Variants in MCC observed in about 807,000 individuals in gnomAD.
MCC encodes MCC regulator of Wnt signaling pathway.
MCC carries 90 observed loss-of-function variants against 116.2 expected under a neutral mutation model. That is an observed-to-expected ratio of 0.77 (90% CI 0.65 to 0.92). MCC has a LOEUF of 0.92. Ranked by LOEUF, MCC falls within the 40% of genes least tolerant of loss-of-function variation. The pLI is 0.00. For missense variants in MCC, 1,516 were observed against 1,312.2 expected (o/e 1.16, Z -2.40); for synonymous variants, 578 against 510.5 (o/e 1.13, Z -1.78).
chr5:113,356,601 G>A (rs11241202), intron 2 of MCC, among the ~76,000 whole-genome samples: 26,138 of 151,888 alleles, frequency 0.17, 2,955 homozygotes, highest in African/African-American at 0.31. Context: ...AAAACCTGCC[G>A]GACACTGAGA....
At chr5:113,347,499 TAAAAC>T (rs561498912) in intron 2 of MCC, among the ~76,000 whole-genome samples, 7 of 151,868 alleles carry the variant, frequency 4.6e-5, no homozygotes, top group Non-Finnish European at 8.8e-5. Flanking sequence ...TAAAGTATAA[TAAAAC>T]AAAACAAAAG....
chr5:113,266,811 AC>A (rs1359882637), intron 3 of MCC, among the ~76,000 whole-genome samples: 1 of 147,598 alleles, frequency 6.8e-6, no homozygotes, highest in Non-Finnish European at 1.5e-5. Context: ...ACAAAACAAA[AC>A]AAAAAAAAAA....
At chr5:113,405,706 C>G (rs1320425287) in intron 1 of MCC, among the ~76,000 whole-genome samples, 3 of 151,770 alleles carry the variant, frequency 2.0e-5, no homozygotes, top group Admixed American at 6.6e-5. Flanking sequence ...ACTTAGAAAG[C>G]TAAGGTGGGA....
chr5:113,267,002 A>C (rs1765447138), intron 3 of MCC, among the ~76,000 whole-genome samples: 1 of 152,182 alleles, frequency 6.6e-6, no homozygotes, highest in South Asian at 2.1e-4. Flanking sequence ...CAAATAATAA[A>C]TTGGGTCAGA....
chr5:113,106,940 C>T (rs904441467), intron 6 of MCC, among the ~76,000 whole-genome samples: 1 of 152,210 alleles, frequency 6.6e-6, no homozygotes, highest in African/African-American at 2.4e-5. Flanking sequence ...GTTTCACCTC[C>T]TCCCTTACCC....
At chr5:113,243,571 C>T (rs775799157) in intron 3 of MCC, among the ~76,000 whole-genome samples, 2 of 152,240 alleles carry the variant, frequency 1.3e-5, no homozygotes, top group Non-Finnish European at 2.9e-5. Flanking sequence ...CTCCACTGTT[C>T]CTTTCCTTCT....
chr5:113,131,302 C>T (rs1051571787), intron 5 of MCC, among the ~76,000 whole-genome samples: 1 of 151,906 alleles, frequency 6.6e-6, no homozygotes, highest in African/African-American at 2.4e-5. Context: ...TTTCCATTTC[C>T]CCCATCCCAC....
chr5:113,174,982 T>A (rs1761259702), intron 3 of MCC, among the ~76,000 whole-genome samples: 1 of 152,190 alleles, frequency 6.6e-6, no homozygotes, highest in Non-Finnish European at 1.5e-5. Flanking sequence ...AATACTTGTG[T>A]ATTTTATATG....
At chr5:113,253,116 T>C (rs554790113) in intron 3 of MCC, among the ~76,000 whole-genome samples, 15 of 152,274 alleles carry the variant, frequency 9.9e-5, no homozygotes, top group African/African-American at 3.1e-4. Flanking sequence ...GGCACATAAA[T>C]GGACTAAAGA....
chr5:113,301,279 A>G (rs2150364804), intron 3 of MCC, among the ~76,000 whole-genome samples: 1 of 152,314 alleles, frequency 6.6e-6, no homozygotes, highest in African/African-American at 2.4e-5. Context: ...CAGCCTGACC[A>G]ACATGGAGAA....
chr5:113,411,429 C>G (rs1468162829), intron 1 of MCC, among the ~76,000 whole-genome samples: 1 of 152,106 alleles, frequency 6.6e-6, no homozygotes, highest in African/African-American at 2.4e-5. Flanking sequence ...CTGTTCATAT[C>G]CTTTGCCCAC....
At chr5:113,213,677 G>C (rs1391340839) in intron 3 of MCC, among the ~76,000 whole-genome samples, 1 of 152,132 alleles carries the variant, frequency 6.6e-6, no homozygotes, top group Admixed American at 6.5e-5. Flanking sequence ...TACTGAGAGT[G>C]GTGGGCACAG....
chr5:113,280,652 C>T (rs1232799594), intron 3 of MCC, among the ~76,000 whole-genome samples: 3 of 152,046 alleles, frequency 2.0e-5, no homozygotes, highest in African/African-American at 7.3e-5. Flanking sequence ...GATGGAGAAA[C>T]GTCATCACAG....
intron 3 of MCC, among the ~76,000 whole-genome samples, chr5:113,249,948 C>G (rs1764730357): frequency 6.6e-6 from 1 of 152,124 alleles, no homozygotes; most frequent in African/African-American, 2.4e-5. Context: ...TGCACAGTTT[C>G]CAAGAAGCCA....
rs1756425269 is a variant in MCC at position 113,101,752 on chromosome 5, C to T, written c.1385G>A (p.Arg462Gln). The T allele has an allele frequency of 8.7e-6, 14 of 1,613,166 alleles. No individual in the cohort carries two copies. Among genetic ancestry groups the T allele is most frequent in the Admixed American group, 1.7e-5 (1 of 60,004 alleles). ...CAGCATGCTCACCCTCCTCCGGAGC[C>T]GGTCCCGCTCTTCCCGGATGGCATT... ...TMNAIREERD[R>Q]LRRRVRELQT... Residue 462 changes from arginine to glutamine, a missense_variant, in exon 8 of 19, where the codon CGG becomes CAG. Coordinates refer to ENST00000408903, the MANE Select transcript of MCC (RefSeq NM_001085377.2).
chr5:113,313,318 G>A (rs1044956925), intron 3 of MCC, among the ~76,000 whole-genome samples: 3 of 152,184 alleles, frequency 2.0e-5, no homozygotes, highest in African/African-American at 7.2e-5. Context: ...CTGCACTCCA[G>A]CGTGGTGACA....
intron 17 of MCC, among the ~76,000 whole-genome samples, chr5:113,040,891 C>G (rs1363702824): frequency 2.0e-5 from 3 of 152,180 alleles, no homozygotes; most frequent in Non-Finnish European, 2.9e-5. Flanking sequence ...CTGCATCTTC[C>G]TTGTGCCAGC....
At chr5:113,102,973 G>A (rs1294252382) in intron 7 of MCC, among the ~76,000 whole-genome samples, 1 of 152,146 alleles carries the variant, frequency 6.6e-6, no homozygotes, top group East Asian at 1.9e-4. Flanking sequence ...ATTTAGCCGG[G>A]CGTGGTGGCG....
chr5:113,036,012 C>CTTTTTTTTT (rs771378295), intron 17 of MCC, among the ~76,000 whole-genome samples: 3 of 62,942 alleles, frequency 4.8e-5, no homozygotes, highest in African/African-American at 2.0e-4. Context: ...GGATGAGGAA[C>CTTTTTTTTT]TTTTTTTTTT....
Sources: allele counts gnomAD v4.1 joint callset (sites outside exome capture counted in the v4.1 genomes callset), GRCh38; gene constraint gnomAD v4.1.1; transcripts MANE v1.5; gene names NCBI Gene and HGNC (gene_info 2026-07-23, HGNC 2026-07-21).